Variants in ANO6 observed in about 807,000 individuals in gnomAD.
The protein encoded by ANO6 is anoctamin 6.
In ANO6, 106 loss-of-function variants were observed where a neutral mutation model predicts 117.5. The observed-to-expected ratio is 0.90, with a 90% confidence interval of 0.77 to 1.06. The LOEUF is 1.06. ANO6 is among the 50% of genes least tolerant of loss of function. The pLI, the probability that ANO6 is intolerant of heterozygous loss-of-function variation, is 0.00. For missense variants in ANO6, 955 were observed against 1,121.1 expected, an observed-to-expected ratio of 0.85 and a Z score of 2.12; for synonymous variants, 367 against 385.1, an observed-to-expected ratio of 0.95 and a Z score of 0.55.
chr12:45,438,863 T>C (rs576275965), intron 19 of ANO6, among the ~76,000 whole-genome samples: 172 of 152,284 alleles, frequency 1.1e-3, no homozygotes, highest in Non-Finnish European at 1.7e-3. Context: ...ATTAAAGATA[T>C]TTCTTTCAAA....
intron 19 of ANO6, among the ~76,000 whole-genome samples, chr12:45,428,153 A>G (rs547635983): frequency 2.6e-5 from 4 of 152,338 alleles, no homozygotes; most frequent in East Asian, 1.9e-4. Flanking sequence ...ATTCAAGCAC[A>G]ATAATGTTCA....
At chr12:45,367,542 G>A (rs1941717060) in intron 8 of ANO6, 146 bp from the exon 9 acceptor site, 3 of 634,168 alleles carry the variant, frequency 4.7e-6, no homozygotes, top group Non-Finnish European at 8.0e-6. Context: ...TGAATTTTAT[G>A]TAACAAAGTT....
chr12:45,287,520 C>A (rs2137269089), intron 1 of ANO6, among the ~76,000 whole-genome samples: 1 of 152,180 alleles, frequency 6.6e-6, no homozygotes, highest in East Asian at 1.9e-4. Context: ...TAAGTGTGAG[C>A]TGTATTATCC....
intron 2 of ANO6, among the ~76,000 whole-genome samples, chr12:45,305,531 G>C (rs942633101): frequency 6.6e-6 from 1 of 152,206 alleles, no homozygotes; most frequent in African/African-American, 2.4e-5. Context: ...GGCATAGCCA[G>C]ATGTTCTGGA....
chr12:45,312,241 G>A (rs1324752339), intron 2 of ANO6, among the ~76,000 whole-genome samples: 1 of 152,152 alleles, frequency 6.6e-6, no homozygotes, highest in East Asian at 1.9e-4. Flanking sequence ...TCATCTAGAA[G>A]CATAATCACA....
chr12:45,292,937 A>G, intron 1 of ANO6: 1 of 1,551,416 alleles, frequency 6.4e-7, no homozygotes, highest in Non-Finnish European at 8.7e-7. Flanking sequence ...TGCTGCTGGT[A>G]AGAACATGTT....
intron 8 of ANO6, among the ~76,000 whole-genome samples, chr12:45,363,505 A>G (rs1941607647): frequency 6.6e-6 from 1 of 151,606 alleles, no homozygotes. Flanking sequence ...CGGAGGTTGC[A>G]GGGAGCCGAA....
At chr12:45,416,062 GACC>G (rs1943205189) in intron 16 of ANO6, among the ~76,000 whole-genome samples, 1 of 152,126 alleles carries the variant, frequency 6.6e-6, no homozygotes, top group South Asian at 2.1e-4. Context: ...GACTTATTAT[GACC>G]ACAAGGACTG....
chr12:45,343,997 A>G (rs1197258245), intron 3 of ANO6, among the ~76,000 whole-genome samples: 1 of 152,146 alleles, frequency 6.6e-6, no homozygotes, highest in Admixed American at 6.6e-5. Flanking sequence ...GCTGAATTTC[A>G]TGGGAGACCA....
chr12:45,245,053 GAACTGCCCTCTCC>G (rs1380174304), intron 1 of ANO6, among the ~76,000 whole-genome samples: 1 of 152,162 alleles, frequency 6.6e-6, no homozygotes, highest in African/African-American at 2.4e-5. Flanking sequence ...TCTCAGCTAA[GAACTGCCCTCTCC>G]GGCCCCCAGG....
intron 8 of ANO6, among the ~76,000 whole-genome samples, chr12:45,367,019 T>TCACC (rs1941701983): frequency 6.6e-6 from 1 of 152,196 alleles, no homozygotes; most frequent in African/African-American, 2.4e-5. Context: ...TCTCACTCTG[T>TCACC]CACCCAGGCT....
intron 10 of ANO6, among the ~76,000 whole-genome samples, chr12:45,385,523 A>AGG (rs34688599): frequency 6.6e-6 from 1 of 152,210 alleles, no homozygotes; most frequent in East Asian, 1.9e-4. Context: ...TATGCAGCCT[A>AGG]GGGAGGGTTG....
intron 12 of ANO6, among the ~76,000 whole-genome samples, chr12:45,393,835 C>T (rs1459031456): frequency 6.6e-6 from 1 of 152,202 alleles, no homozygotes; most frequent in Non-Finnish European, 1.5e-5. Context: ...TACAAGAGCT[C>T]CTGAAACAAG....
At chr12:45,414,746 T>C (rs938983111) in intron 16 of ANO6, among the ~76,000 whole-genome samples, 4 of 152,202 alleles carry the variant, frequency 2.6e-5, no homozygotes, top group African/African-American at 9.6e-5. Flanking sequence ...TGAAGAACTT[T>C]AGTATCACTT....
At chr12:45,273,906 T>G (rs1938466105) in intron 1 of ANO6, among the ~76,000 whole-genome samples, 1 of 152,214 alleles carries the variant, frequency 6.6e-6, no homozygotes, top group Non-Finnish European at 1.5e-5. Flanking sequence ...AGAGGATTGT[T>G]CATTCATCAT....
intron 1 of ANO6, among the ~76,000 whole-genome samples, chr12:45,244,123 T>C (rs1592862623): frequency 1.3e-5 from 2 of 152,176 alleles, no homozygotes; most frequent in African/African-American, 4.8e-5. Flanking sequence ...AAAATCATAT[T>C]TGACTTCTGA....
intron 1 of ANO6, among the ~76,000 whole-genome samples, chr12:45,241,530 G>T (rs555433940): frequency 6.6e-6 from 1 of 152,094 alleles, no homozygotes; most frequent in African/African-American, 2.4e-5. Context: ...TGTTATTACC[G>T]ACATTCTGAA....
intron 12 of ANO6, among the ~76,000 whole-genome samples, chr12:45,394,268 T>C (rs894238989): frequency 6.6e-6 from 1 of 151,912 alleles, no homozygotes; most frequent in African/African-American, 2.4e-5. Context: ...TATGTAATGG[T>C]AAAGGGATCA....
chr12:45,272,424 T>C (rs980058048), intron 1 of ANO6, among the ~76,000 whole-genome samples: 8 of 152,228 alleles, frequency 5.3e-5, no homozygotes, highest in African/African-American at 1.9e-4. Flanking sequence ...TTAGGATTTA[T>C]TCTGACCAGA....
Sources: allele counts gnomAD v4.1 joint callset (sites outside exome capture counted in the v4.1 genomes callset), GRCh38; gene constraint gnomAD v4.1.1; transcripts MANE v1.5; gene names NCBI Gene and HGNC (gene_info 2026-07-23, HGNC 2026-07-21).